Variants in SPATA21 observed in about 807,000 individuals in gnomAD.
SPATA21 encodes spermatogenesis-associated protein 21.
In SPATA21, 47 loss-of-function variants were observed where a neutral mutation model predicts 54.8. The ratio of observed to expected loss-of-function variants is 0.86; its 90% CI spans 0.68 to 1.09. SPATA21 has a LOEUF of 1.09. SPATA21 is among the 50% of genes least tolerant of loss of function. The pLI is 0.00. For synonymous variants in SPATA21, 245 were observed against 235.3 expected (o/e 1.04, Z -0.38); for missense variants, 599 against 596.4 (o/e 1.00, Z -0.05).
chr1:16,436,873 T>C (rs2086600392), intron 1 of SPATA21, among the ~76,000 whole-genome samples: 2 of 149,704 alleles, frequency 1.3e-5, no homozygotes, highest in African/African-American at 4.9e-5. Context: ...AACAAATAAA[T>C]AAATAAATAA....
chr1:16,415,396 G>A (rs2085972673), intron 5 of SPATA21, among the ~76,000 whole-genome samples: 1 of 152,136 alleles, frequency 6.6e-6, no homozygotes, highest in Non-Finnish European at 1.5e-5. Flanking sequence ...CAAGATGGTG[G>A]CCATGAATCC....
chr1:16,401,681 T>TTTCAAGTTAAGGACTC (rs1553161546), intron 10 of SPATA21, among the ~76,000 whole-genome samples: 1 of 150,128 alleles, frequency 6.7e-6, no homozygotes. Flanking sequence ...ATCTTCCAGA[T>TTTCAAGTTAAGGACTC]TTCAAGTTAA....
chr1:16,409,692 CA>C lies in SPATA21; in HGVS notation c.495del (p.Val166SerfsTer25), dbSNP rs1478072335. The C allele has an allele frequency of 6.2e-7, 1 of 1,613,416 alleles. No homozygotes were observed. Among genetic ancestry groups the C allele is most frequent in the Non-Finnish European group, 8.5e-7 (1 of 1,179,974 alleles). On this transcript the variant is annotated frameshift_variant, in exon 6 of 13. Coordinates refer to ENST00000335496, the MANE Select transcript of SPATA21 (RefSeq NM_198546.1). LOFTEE classifies it high-confidence loss of function. This position sits in a 1 kb window ranked among gnomAD's most constrained non-coding sequence, Gnocchi z 4.1. ...AGGTCCAGGGCAGGGCCCAGCAGGA[CA>C]GGGCAAGGCATGGAGGTGGGGACCG... The part of the protein sequence containing the change: ...GAPVPTSMPC[P>X]VLLGPALDLG...
intron 3 of SPATA21, chr1:16,424,893 A>G: frequency 3.6e-6 from 1 of 279,240 alleles, no homozygotes; most frequent in South Asian, 3.3e-5. Flanking sequence ...CCGTGGGGCC[A>G]CTCTGGAAAC....
chr1:16,397,999 G>C, downstream of SPATA21: 1 of 799,500 alleles, frequency 1.3e-6, no homozygotes, highest in Non-Finnish European at 1.5e-6. This position sits in a 1 kb window ranked among gnomAD's most constrained non-coding sequence, Gnocchi z 5.4. Context: ...AGAAGGGCAT[G>C]GGAGGGAGGG....
intron 5 of SPATA21, among the ~76,000 whole-genome samples, chr1:16,418,921 C>T (rs2086093442): frequency 6.6e-6 from 1 of 152,186 alleles, no homozygotes; most frequent in Non-Finnish European, 1.5e-5. Flanking sequence ...TTATTCAACA[C>T]ATTCCTGTTG....
rs1231509764 is a variant in SPATA21 at position 16,431,380 on chromosome 1, C to T, written c.-9G>A. 1.7e-5 allele frequency: 28 copies of T among 1,613,842 alleles called. No individual in the cohort carries two copies. The highest frequency in any genetic ancestry group is 2.2e-5 in the South Asian group (2 of 91,052). ...GTGTTTCTATTGTCCATGATGCCAG[C>T]GCCAACACGGGTGCCAAGTGAGGGG... On this transcript the variant is annotated 5_prime_UTR_variant, in exon 3 of 13. Transcript: ENST00000335496.
At position 16,398,833 on chromosome 1, in the gene SPATA21, G is replaced by A. The variant is rs754338404; in HGVS notation, c.1353-11C>T. ...TCAGAGTTGTGTTCCCTGGGGAGAG[G>A]AGTAGGGCAGAAGGGTGGGAGACAT... On this transcript the variant is annotated splice_polypyrimidine_tract_variant and intron_variant, in intron 12 of 12. Transcript: ENST00000335496. 3.1e-6 allele frequency: 5 copies of A among 1,612,342 alleles called. No homozygotes were observed. The highest frequency in any genetic ancestry group is 1.1e-5 in the South Asian group (1 of 90,846).
Position 16,410,038 on chromosome 1 carries a change from C to T in SPATA21, c.150G>A (p.Val50=). The change falls in exon 6 of 13, where the codon GTG becomes GTA. Residue 50 remains valine, a synonymous_variant. Transcript: ENST00000335496. ...PAPGPLPPPE[V]RDIGERREPD... Reference sequence around the variant, plus strand: ...GCTCCCGCCTCTCTCCAATGTCCCTCACCTCCTGGGGACAGGGGAGGGGAT... The same window carrying T: ...GCTCCCGCCTCTCTCCAATGTCCCTTACCTCCTGGGGACAGGGGAGGGGAT... 1.9e-6 allele frequency: 3 copies of T among 1,558,038 alleles called. No homozygotes were observed. The highest frequency in any genetic ancestry group is 2.6e-6 in the Non-Finnish European group (3 of 1,156,176).
chr1:16,404,889 C>A, intron 8 of SPATA21, 78 bp downstream of exon 8: 1 of 1,408,228 alleles, frequency 7.1e-7, no homozygotes, highest in Non-Finnish European at 9.4e-7. Flanking sequence ...AGGTGCAGAG[C>A]CTCATGCAAC....
At chr1:16,402,508 A>G (rs540345132) in intron 10 of SPATA21, among the ~76,000 whole-genome samples, 96 of 150,404 alleles carry the variant, frequency 6.4e-4, no homozygotes, top group African/African-American at 1.9e-3. Flanking sequence ...TGATCCGCCC[A>G]CCGCGGCCTC....
At chr1:16,424,237 TG>T (rs2086256828) in intron 3 of SPATA21, among the ~76,000 whole-genome samples, 2 of 3,370 alleles carry the variant, frequency 5.9e-4, no homozygotes, top group African/African-American at 1.2e-3. Context: ...GGCATGAACC[TG>T]GGAGGCAGAG....
rs534490382 is a variant in SPATA21, at chr1:16,428,368, C to T, written c.34+2970G>A. Among the ~76,000 whole-genome samples the T allele has an allele frequency of 5.9e-5, 9 of 152,270 alleles. No homozygotes were observed. Among genetic ancestry groups the T allele is most frequent in the South Asian group, 4.1e-4 (2 of 4,826 alleles). On this transcript the variant is annotated intron_variant, in intron 3 of 12. Coordinates refer to ENST00000335496, the MANE Select transcript of SPATA21 (RefSeq NM_198546.1). The surrounding 1 kb of genome is among the most constrained non-coding windows in gnomAD (Gnocchi z 4.3). ...TTCAACAATTCCCATGCCTTCAAAACGCAGGCTCTAGTTTGAACTGAGTTT... is the reference window on the plus strand; with the variant it reads ...TTCAACAATTCCCATGCCTTCAAAATGCAGGCTCTAGTTTGAACTGAGTTT...
Position 16,400,778 on chromosome 1 carries a change from T to C in SPATA21, c.1116A>G (p.Ser372=), listed in dbSNP as rs955701042. 5.0e-6 allele frequency: 8 copies of C among 1,613,670 alleles called. No homozygotes were observed. The Admixed American group carries it at 5.0e-5, about 10-fold the overall frequency. The stretch of plus-strand genomic sequence containing the variant: ...TGAGGACCTTTCGTTCTGGAACTTC[T>C]GAGCTCTCTTCTTGCTGGGGGTTGT... ...LPYNPQQEES[S]EVPERKVLSI... is the part of the protein sequence containing the mutation. The change falls in exon 11 of 13, where the codon TCA becomes TCG. Residue 372 remains serine, a synonymous_variant. Transcript: ENST00000335496.
At chr1:16,413,014 C>A (rs1354638348) in intron 5 of SPATA21, among the ~76,000 whole-genome samples, 1 of 151,432 alleles carries the variant, frequency 6.6e-6, no homozygotes, top group East Asian at 2.0e-4. Context: ...GATCTCCTGA[C>A]CTCTTGATCC....
chr1:16,420,758 C>A (rs142120373), intron 5 of SPATA21, among the ~76,000 whole-genome samples: 39 of 152,102 alleles, frequency 2.6e-4, no homozygotes, highest in African/African-American at 9.4e-4. Flanking sequence ...TCATCTGATG[C>A]TTCTGTTTGT....
chr1:16,410,414 C>CT (rs1169721957), intron 5 of SPATA21, among the ~76,000 whole-genome samples: 3,445 of 139,074 alleles, frequency 0.025, 72 homozygotes, highest in African/African-American at 0.055. Flanking sequence ...CCCAGCTAAT[C>CT]TTTTTTTTTT....
chr1:16,397,115 T>C (rs2085325390), downstream of SPATA21: 1 of 152,392 alleles, frequency 6.6e-6, no homozygotes, highest in South Asian at 2.1e-4. This position sits in a 1 kb window ranked among gnomAD's most constrained non-coding sequence, Gnocchi z 5.4. Flanking sequence ...CCAGAAGTGC[T>C]GATTGCCCAG....
chr1:16,413,690 C>T (rs967130107), intron 5 of SPATA21, among the ~76,000 whole-genome samples: 5 of 151,664 alleles, frequency 3.3e-5, no homozygotes, highest in South Asian at 2.1e-4. Context: ...CTTGGCTCAC[C>T]GAACCTCCAC....
Sources: gnomAD v4.1 joint callset for allele counts (sites outside exome capture counted in the v4.1 genomes callset) on GRCh38, gnomAD v4.1.1 for gene constraint, Gnocchi (gnomAD v3.1) non-coding constraint, MANE v1.5 for transcripts, NCBI Gene and HGNC (gene_info 2026-07-23, HGNC 2026-07-21) for gene names.